TRHDE: variants seen among roughly 807,000 people sequenced by gnomAD.
TRHDE encodes the protein thyrotropin-releasing hormone-degrading ectoenzyme.
Under a neutral mutation model 125.7 loss-of-function variants are expected in TRHDE, and 72 were observed. The ratio of observed to expected loss-of-function variants is 0.57; its 90% confidence interval spans 0.47 to 0.70. The LOEUF (loss-of-function observed/expected upper bound fraction) is 0.70, where lower values mean the gene tolerates loss of function less well. Ranked by LOEUF, TRHDE falls within the 30% of genes least tolerant of loss-of-function variation. The pLI, the probability that TRHDE is intolerant of heterozygous loss-of-function variation, is 0.00. For missense variants in TRHDE, 1,110 were observed against 1,327.1 expected, an observed-to-expected ratio of 0.84 and a Z score of 2.54; for synonymous variants, 509 against 509.1, an observed-to-expected ratio of 1.00 and a Z score of 0.00.
intron 3 of TRHDE, among the ~76,000 whole-genome samples, chr12:72,388,754 GGTGA>G (rs1296987972): frequency 6.6e-6 from 1 of 151,978 alleles, no homozygotes; most frequent in African/African-American, 2.4e-5. Context: ...GTGAAAAATG[GGTGA>G]GTTAGTACCT....
intron 2 of TRHDE, among the ~76,000 whole-genome samples, chr12:72,176,916 A>G (rs969551301): frequency 6.6e-5 from 10 of 152,234 alleles, no homozygotes; most frequent in African/African-American, 2.4e-4. Context: ...GCATGCAAGA[A>G]GAACAAGATA....
At chr12:72,423,454 G>A (rs1489530712) in intron 3 of TRHDE, among the ~76,000 whole-genome samples, 1 of 152,098 alleles carries the variant, frequency 6.6e-6, no homozygotes, top group African/African-American at 2.4e-5. Flanking sequence ...AGGTGGTGTG[G>A]ATTTTCTGAT....
intron 2 of TRHDE, among the ~76,000 whole-genome samples, chr12:72,332,443 A>C (rs1869648222): frequency 6.6e-6 from 1 of 151,950 alleles, no homozygotes; most frequent in South Asian, 2.1e-4. Context: ...TCGGCCCCAA[A>C]CTCTTTTAAA....
intron 6 of TRHDE, among the ~76,000 whole-genome samples, chr12:72,512,714 A>G (rs891427915): frequency 2.2e-4 from 32 of 148,146 alleles, no homozygotes; most frequent in African/African-American, 7.4e-4. Context: ...ACAGAATTCT[A>G]TAGTACTTAG....
intron 2 of TRHDE, among the ~76,000 whole-genome samples, chr12:72,153,456 C>G (rs1566250859): frequency 6.6e-6 from 1 of 152,096 alleles, no homozygotes; most frequent in Non-Finnish European, 1.5e-5. Context: ...TGTGTTTGCT[C>G]TTGTTTCTCT....
intron 3 of TRHDE, among the ~76,000 whole-genome samples, chr12:72,441,400 AT>A (rs2135856055): frequency 6.6e-6 from 1 of 151,950 alleles, no homozygotes; most frequent in African/African-American, 2.4e-5. Context: ...TCCTACCTCC[AT>A]GATGACTGTC....
rs1875005449 is a variant in TRHDE at position 72,663,643 on chromosome 12, G to A, written c.*448G>A. ...CACCTAGGATGGGCATTATGCAAAA[G>A]CACAAAGATTATATATGACAATCAG... On this transcript the variant is annotated 3_prime_UTR_variant, in exon 19 of 19. Transcript: ENST00000261180. 6.6e-6 allele frequency: 1 copy of A among 152,644 alleles called. No individual in the cohort carries two copies. Among genetic ancestry groups the A allele is most frequent in the African/African-American group, 2.4e-5 (1 of 41,422 alleles). 9.5% of individuals were successfully genotyped at this position (152,644 alleles called of 1,614,324 possible). A position where few individuals can be genotyped will look rare whatever the true frequency, so the allele number is the denominator to read the frequency against.
chr12:72,110,207 T>A (rs1468082519), intron 2 of TRHDE, among the ~76,000 whole-genome samples: 1 of 152,054 alleles, frequency 6.6e-6, no homozygotes, highest in Admixed American at 6.6e-5. Flanking sequence ...CCCTATATAA[T>A]AATTTTACTA....
At chr12:72,096,099 G>C (rs1398798681) in intron 1 of TRHDE, among the ~76,000 whole-genome samples, 3 of 149,076 alleles carry the variant, frequency 2.0e-5, no homozygotes, top group African/African-American at 7.4e-5. Flanking sequence ...AATCATGTGA[G>C]CTGATTCCTT....
chr12:72,119,246 T>C (rs1875520525), intron 2 of TRHDE, among the ~76,000 whole-genome samples: 2 of 152,200 alleles, frequency 1.3e-5, no homozygotes, highest in African/African-American at 4.8e-5. Context: ...GTTTTCATTA[T>C]CATTTGTTTC....
chr12:72,539,843 G>T (rs906292625), intron 6 of TRHDE, among the ~76,000 whole-genome samples: 2 of 151,810 alleles, frequency 1.3e-5, no homozygotes, highest in Non-Finnish European at 2.9e-5. Flanking sequence ...AAATCTTGCA[G>T]AAATAGTATG....
chr12:72,381,647 C>T (rs1249770316), intron 3 of TRHDE, among the ~76,000 whole-genome samples: 7 of 152,218 alleles, frequency 4.6e-5, no homozygotes, highest in Non-Finnish European at 7.4e-5. Context: ...CCGCCCGCCT[C>T]GGCCTCCCAA....
chr12:72,434,115 TGG>T (rs1874626063), intron 3 of TRHDE, among the ~76,000 whole-genome samples: 2 of 152,162 alleles, frequency 1.3e-5, no homozygotes, highest in African/African-American at 4.8e-5. Flanking sequence ...CCAGGCACAG[TGG>T]CTCACGCCTA....
intron 6 of TRHDE, among the ~76,000 whole-genome samples, chr12:72,499,975 T>C (rs1369815333): frequency 6.6e-6 from 1 of 152,204 alleles, no homozygotes; most frequent in Non-Finnish European, 1.5e-5. Context: ...TAGTGACAAA[T>C]TAATTTTCAC....
intron 2 of TRHDE, among the ~76,000 whole-genome samples, chr12:72,249,991 A>G (rs4548664): frequency 0.037 from 5,630 of 152,282 alleles, 134 homozygotes; most frequent in African/African-American, 0.04. Flanking sequence ...ATAAACTGAT[A>G]AGAAGAACTG....
At chr12:72,634,757 T>C (rs1055328908) in intron 15 of TRHDE, among the ~76,000 whole-genome samples, 3 of 149,762 alleles carry the variant, frequency 2.0e-5, no homozygotes, top group African/African-American at 7.4e-5. Context: ...CGGTGTTTGG[T>C]TTTTTGTTCT....
intron 5 of TRHDE, among the ~76,000 whole-genome samples, chr12:72,492,592 C>G (rs981463909): frequency 6.6e-6 from 1 of 151,688 alleles, no homozygotes; most frequent in Non-Finnish European, 1.5e-5. Flanking sequence ...GATCATATTT[C>G]TCTGCTTTAA....
intron 2 of TRHDE, among the ~76,000 whole-genome samples, chr12:72,122,572 A>G (rs77292305): frequency 0.047 from 7,117 of 152,186 alleles, 325 homozygotes; most frequent in South Asian, 0.11. Flanking sequence ...TCAAATAATG[A>G]TACTATTTAT....
chr12:72,179,660 T>G lies in TRHDE; in HGVS notation n.279+73908T>G, dbSNP rs767385796. ...GTCTGAACTCTACAGTCATAACTCA[T>G]GTATGGCTTTTTTGCTTTTGACCTC... On this transcript the variant is annotated intron_variant and non_coding_transcript_variant, in intron 2 of 4. Coordinates refer to the TRHDE transcript ENST00000548156. Among the ~76,000 whole-genome samples, 7 of 152,224 alleles carry G rather than the reference T, an allele frequency of 4.6e-5. No homozygotes were observed. The South Asian group carries it at 1.4e-3, about 32-fold the overall frequency.
Sources: gnomAD v4.1 joint callset for allele counts (sites outside exome capture counted in the v4.1 genomes callset) on GRCh38, gnomAD v4.1.1 for gene constraint, MANE v1.5 for transcripts, NCBI Gene and HGNC (gene_info 2026-07-23, HGNC 2026-07-21) for gene names.